CDC73: variants seen among roughly 807,000 people sequenced by gnomAD.
CDC73 encodes the protein parafibromin.
CDC73 carries 21 observed loss-of-function variants against 83.7 expected under a neutral mutation model. That is an observed-to-expected ratio of 0.25 (90% confidence interval 0.18 to 0.36). CDC73 has a LOEUF of 0.36. Among genes scored for constraint, CDC73 ranks in the 10% least tolerant of loss-of-function variants. The pLI is 1.00. For missense variants in CDC73, 342 were observed against 653.3 expected (o/e 0.52, Z 5.19); for synonymous variants, 224 against 212.9 (o/e 1.05, Z -0.45).
intron 3 of CDC73, 102 bp from the exon 4 acceptor site, chr1:193,135,289 C>T (rs1675771362): frequency 1.1e-6 from 1 of 929,410 alleles, no homozygotes; most frequent in African/African-American, 1.7e-5. Flanking sequence ...GAGAAAATCA[C>T]CATATAGAAG....
At chr1:193,131,357 T>G (rs2103118737) in intron 3 of CDC73, among the ~76,000 whole-genome samples, 1 of 152,354 alleles carries the variant, frequency 6.6e-6, no homozygotes, top group South Asian at 2.1e-4. Context: ...ACAAGTTGTT[T>G]TTTTCTCTTT....
intron 10 of CDC73, among the ~76,000 whole-genome samples, chr1:193,190,173 G>C (rs1002394667): frequency 6.6e-6 from 1 of 152,152 alleles, no homozygotes. Context: ...TAATGTTTTA[G>C]ATCAGGTATA....
intron 13 of CDC73, among the ~76,000 whole-genome samples, chr1:193,227,521 A>T (rs568862634): frequency 6.6e-6 from 1 of 152,280 alleles, no homozygotes; most frequent in African/African-American, 2.4e-5. Flanking sequence ...GAAGTCTGTT[A>T]GGGAGATAAC....
chr1:193,145,214 G>C (rs914801629), intron 7 of CDC73, among the ~76,000 whole-genome samples: 1 of 152,182 alleles, frequency 6.6e-6, no homozygotes, highest in African/African-American at 2.4e-5. Flanking sequence ...GGATTTTAAA[G>C]TACCTATGCA....
chr1:193,228,200 G>C (rs1304383962), intron 13 of CDC73, among the ~76,000 whole-genome samples: 4 of 152,234 alleles, frequency 2.6e-5, no homozygotes, highest in East Asian at 3.9e-4. Context: ...TGGTATCTTA[G>C]AGTTGCTGTG....
chr1:193,207,221 G>C (rs1479621576), intron 11 of CDC73, among the ~76,000 whole-genome samples: 1 of 152,114 alleles, frequency 6.6e-6, no homozygotes, highest in Non-Finnish European at 1.5e-5. Flanking sequence ...GATTTTAAAA[G>C]GGGTATACGA....
chr1:193,162,295 T>TATATATACTATATATTATATATC (rs1676347888), intron 10 of CDC73, among the ~76,000 whole-genome samples: 1 of 122,466 alleles, frequency 8.2e-6, no homozygotes, highest in Non-Finnish European at 1.6e-5. Flanking sequence ...TATGATATAT[T>TATATATACTATATATTATATATC]ATATATACTA....
At chr1:193,212,580 G>C in intron 13 of CDC73, 103 bp downstream of exon 13, 1 of 746,432 alleles carries the variant, frequency 1.3e-6, no homozygotes, top group Non-Finnish European at 2.3e-6. Context: ...ACAAAATTTC[G>C]GTTTCTGTGC....
chr1:193,205,327 G>A (rs1241450305), intron 11 of CDC73, among the ~76,000 whole-genome samples: 2 of 150,496 alleles, frequency 1.3e-5, no homozygotes, highest in Non-Finnish European at 2.9e-5. Context: ...AGTATCAATA[G>A]TGCAGATTTG....
chr1:193,154,220 G>T (rs1227791830), intron 10 of CDC73, among the ~76,000 whole-genome samples: 1 of 152,170 alleles, frequency 6.6e-6, no homozygotes, highest in African/African-American at 2.4e-5. Context: ...CCCTTGGGGA[G>T]CCATCAAAGT....
rs1060503808 is a variant in CDC73, at chr1:193,236,271, C to T, written c.1332C>T (p.Ala444=). ...LMPQDWDRVV[A]VFVQGPAWQF... is the part of the protein sequence containing the mutation. ...CTACTTGTAGGGACCGCGTTGTAGC[C>T]GTTTTTGTGCAGGGTCCTGCATGGC... Residue 444 remains alanine, a synonymous_variant, in exon 15 of 17, where the codon GCC becomes GCT. Transcript: ENST00000367435. 2.5e-6 allele frequency: 4 copies of T among 1,613,464 alleles called. No individual in the cohort carries two copies. Among genetic ancestry groups the T allele is most frequent in the Non-Finnish European group, 3.4e-6 (4 of 1,179,420 alleles).
At chr1:193,233,614 A>T (rs1677699380) in intron 14 of CDC73, among the ~76,000 whole-genome samples, 1 of 152,212 alleles carries the variant, frequency 6.6e-6, no homozygotes. Context: ...AGTGTAAAAA[A>T]TTCTTTCCAC....
At chr1:193,198,880 C>T (rs372570346) in intron 10 of CDC73, among the ~76,000 whole-genome samples, 1 of 152,166 alleles carries the variant, frequency 6.6e-6, no homozygotes. Flanking sequence ...ATTTTCTCAT[C>T]GTACAATAGA....
At chr1:193,181,575 C>T (rs772142160) in intron 10 of CDC73, 2 of 1,563,854 alleles carry the variant, frequency 1.3e-6, no homozygotes, top group African/African-American at 2.7e-5. Context: ...TGTAAATATC[C>T]AGTAGTGGTA....
chr1:193,205,205 C>A (rs538532613), intron 11 of CDC73, among the ~76,000 whole-genome samples: 4 of 123,618 alleles, frequency 3.2e-5, no homozygotes, highest in East Asian at 2.3e-4. Context: ...TCCCCCCCCC[C>A]CCCTTTTTTT....
chr1:193,212,291 A>G lies in CDC73; in HGVS notation c.1067-99A>G, dbSNP rs1018018002. The G allele has an allele frequency of 9.8e-6, 9 of 918,940 alleles. No homozygotes were observed. The African/African-American group carries it at 1.4e-4, about 14-fold the overall frequency. 56.9% of individuals were successfully genotyped at this position (918,940 alleles called of 1,614,324 possible). A position where few individuals can be genotyped will look rare whatever the true frequency, so the allele number is the denominator to read the frequency against. On this transcript the variant is annotated intron_variant, in intron 12 of 16. Transcript: ENST00000367435. ...CTGGCTTAAAATATTTTTTAGATCA[A>G]AAGTTAAAGTTACAATTTATAATCT... is the stretch of plus-strand genomic sequence containing the variant.
At chr1:193,143,886 G>A (rs572273249) in intron 7 of CDC73, among the ~76,000 whole-genome samples, 48 of 152,048 alleles carry the variant, frequency 3.2e-4, no homozygotes, top group Non-Finnish European at 4.4e-4. Flanking sequence ...GAGGTGGGTG[G>A]ACCAGTTGAG....
chr1:193,161,287 T>C (rs760429579), intron 10 of CDC73: 1 of 173,978 alleles, frequency 5.7e-6, no homozygotes, highest in Non-Finnish European at 1.2e-5. Flanking sequence ...ACTAAGTTCT[T>C]ATTTGAAATT....
intron 10 of CDC73, among the ~76,000 whole-genome samples, chr1:193,191,411 A>G (rs1676915652): frequency 1.3e-5 from 2 of 152,088 alleles, no homozygotes; most frequent in African/African-American, 4.8e-5. Flanking sequence ...GTTTTTTGAG[A>G]CAGTCTCGCT....
Sources: allele counts gnomAD v4.1 joint callset (sites outside exome capture counted in the v4.1 genomes callset), GRCh38; gene constraint gnomAD v4.1.1; transcripts MANE v1.5; gene names NCBI Gene and HGNC (gene_info 2026-07-23, HGNC 2026-07-21).